TENM2: variants seen among roughly 807,000 people sequenced by gnomAD.
TENM2 encodes the protein teneurin transmembrane protein 2, also known as teneurin-2.
In TENM2, 52 loss-of-function variants were observed where a neutral mutation model predicts 245.2. The ratio of observed to expected loss-of-function variants is 0.21; its 90% CI spans 0.17 to 0.27. The LOEUF is 0.27. TENM2 is among the 10% of genes least tolerant of loss of function. TENM2 has a pLI of 1.00. For synonymous variants in TENM2, 1,363 were observed against 1,438.9 expected (o/e 0.95, Z 1.19); for missense variants, 3,046 against 3,666.8 (o/e 0.83, Z 4.37).
chr5:167,018,001 C>G, the TENM2 span, among the ~76,000 whole-genome samples: 1 of 152,158 alleles, frequency 6.6e-6, no homozygotes, highest in Non-Finnish European at 1.5e-5. Context: ...AGGTGTCCAT[C>G]TTTTATAAAA....
intron 19 of TENM2, 37 bp downstream of exon 21, chr5:168,204,658 T>A: frequency 6.2e-7 from 1 of 1,605,446 alleles, no homozygotes; most frequent in Non-Finnish European, 8.5e-7. Context: ...TTTGCTCTCT[T>A]GCCCCCCATA....
chr5:167,237,989 G>A, the TENM2 span, among the ~76,000 whole-genome samples: 4 of 124,710 alleles, frequency 3.2e-5, no homozygotes, highest in East Asian at 2.3e-4. Context: ...CAGCCTGGGC[G>A]ACAGAGTGAG....
chr5:168,191,527 A>G (rs1760960848), intron 14 of TENM2, among the ~76,000 whole-genome samples: 1 of 152,152 alleles, frequency 6.6e-6, no homozygotes, highest in Non-Finnish European at 1.5e-5. Flanking sequence ...ATCAAGAAAT[A>G]AAAACTGCTG....
chr5:167,225,532 T>A, the TENM2 span, among the ~76,000 whole-genome samples: 1 of 152,098 alleles, frequency 6.6e-6, no homozygotes, highest in African/African-American at 2.4e-5. Context: ...TCATGATTAG[T>A]TATCTTGTTG....
At chr5:167,720,474 C>A (rs1178879881) in intron 2 of TENM2, among the ~76,000 whole-genome samples, 2 of 152,124 alleles carry the variant, frequency 1.3e-5, no homozygotes, top group Non-Finnish European at 2.9e-5. Context: ...CATCAATATG[C>A]CGGGATGCTA....
chr5:167,599,432 C>T (rs2127724133), intron 2 of TENM2, among the ~76,000 whole-genome samples: 1 of 152,214 alleles, frequency 6.6e-6, no homozygotes, highest in Admixed American at 6.5e-5. Context: ...GCTGTTTCTT[C>T]CACATAATTC....
At chr5:167,182,177 C>T in the TENM2 span, among the ~76,000 whole-genome samples, 2,765 of 152,158 alleles carry the variant, frequency 0.018, 84 homozygotes, top group African/African-American at 0.063. Context: ...TGGAAAATAG[C>T]ATAGCTAATG....
chr5:167,934,487 G>A (rs1275478529), intron 3 of TENM2, among the ~76,000 whole-genome samples: 2 of 151,994 alleles, frequency 1.3e-5, no homozygotes, highest in Non-Finnish European at 2.9e-5. Flanking sequence ...CCCATTTGTC[G>A]TCACCTTTAA....
the TENM2 span, among the ~76,000 whole-genome samples, chr5:167,235,592 C>G: frequency 6.6e-6 from 1 of 152,264 alleles, no homozygotes; most frequent in East Asian, 1.9e-4. Flanking sequence ...TGATCGCAGT[C>G]TCTCCATCTG....
chr5:167,640,019 T>C (rs1394204786), intron 2 of TENM2, among the ~76,000 whole-genome samples: 1 of 152,212 alleles, frequency 6.6e-6, no homozygotes, highest in Admixed American at 6.5e-5. Flanking sequence ...TAGGAAATTA[T>C]GTCCCAAGCT....
At chr5:167,191,789 T>A in the TENM2 span, among the ~76,000 whole-genome samples, 21 of 152,000 alleles carry the variant, frequency 1.4e-4, no homozygotes, top group African/African-American at 4.8e-4. Flanking sequence ...GTAGGCAATT[T>A]TTTTAGGTGT....
At chr5:167,043,937 T>C in the TENM2 span, among the ~76,000 whole-genome samples, 4 of 151,708 alleles carry the variant, frequency 2.6e-5, no homozygotes, top group Admixed American at 2.6e-4. Context: ...GGAGAATCGC[T>C]TGAACCCAGG....
At chr5:167,900,063 T>C (rs1775562595) in intron 3 of TENM2, among the ~76,000 whole-genome samples, 1 of 131,058 alleles carries the variant, frequency 7.6e-6, no homozygotes, top group Admixed American at 8.7e-5. Context: ...AATGCTTAGA[T>C]CTCATGCCGT....
At chr5:167,150,838 A>G in the TENM2 span, among the ~76,000 whole-genome samples, 2 of 152,246 alleles carry the variant, frequency 1.3e-5, no homozygotes, top group Non-Finnish European at 2.9e-5. Context: ...AATTATGTTC[A>G]ATATAATAAG....
At chr5:167,933,764 A>G (rs1416269749) in intron 3 of TENM2, among the ~76,000 whole-genome samples, 3 of 152,122 alleles carry the variant, frequency 2.0e-5, no homozygotes, top group African/African-American at 7.2e-5. Flanking sequence ...ACCTGAGGCA[A>G]GGTACTTAAG....
At chr5:167,407,148 C>T (rs4242221) in intron 2 of TENM2, among the ~76,000 whole-genome samples, 99,802 of 151,990 alleles carry the variant, frequency 0.66, 33,468 homozygotes, top group Admixed American at 0.73. Context: ...AAGTTCATCT[C>T]TCTTTCTCCA....
chr5:167,264,795 G>A, the TENM2 span, among the ~76,000 whole-genome samples: 7 of 151,910 alleles, frequency 4.6e-5, no homozygotes, highest in East Asian at 1.9e-4. Flanking sequence ...TACACACTTC[G>A]GGCATTTAAT....
At chr5:167,853,277 G>C (rs1196910020) in intron 2 of TENM2, among the ~76,000 whole-genome samples, 1 of 43,002 alleles carries the variant, frequency 2.3e-5, no homozygotes, top group African/African-American at 8.5e-5. Context: ...GAGACAGAGC[G>C]AGACTCCGTC....
intron 19 of TENM2, among the ~76,000 whole-genome samples, chr5:168,205,910 C>T (rs185133585): frequency 1.1e-3 from 169 of 152,082 alleles, no homozygotes; most frequent in African/African-American, 4.0e-3. Flanking sequence ...GCAGGAAAAC[C>T]CATAGGGAAG....
Sources: gnomAD v4.1 joint callset for allele counts (sites outside exome capture counted in the v4.1 genomes callset) on GRCh38, gnomAD v4.1.1 for gene constraint, MANE v1.5 for transcripts, NCBI Gene and HGNC (gene_info 2026-07-23, HGNC 2026-07-21) for gene names.